Variants in TPPP observed in about 807,000 individuals in gnomAD.
TPPP encodes tubulin polymerization promoting protein.
A neutral mutation model predicts 15.5 loss-of-function variants in TPPP; 6 were observed. The ratio of observed to expected loss-of-function variants is 0.39; its 90% CI spans 0.21 to 0.77. The LOEUF is 0.77. TPPP is among the 30% of genes least tolerant of loss of function. The pLI is 0.42. For missense variants in TPPP, 269 were observed against 307.2 expected (o/e 0.88, Z 0.93); for synonymous variants, 146 against 133.9 (o/e 1.09, Z -0.63).
At chr5:693,574 C>G (rs1312290921), upstream of TPPP, among the ~76,000 whole-genome samples, 1 of 151,678 alleles carries the variant, frequency 6.6e-6, no homozygotes, top group Non-Finnish European at 1.5e-5. Context: ...CCCCGCGGAC[C>G]GCCGGGTATC....
upstream of TPPP, among the ~76,000 whole-genome samples, chr5:694,504 G>A (rs1296516842): frequency 8.0e-6 from 1 of 124,396 alleles, no homozygotes; most frequent in African/African-American, 2.6e-5. Context: ...GTGCTGGGCA[G>A]GGGGTGCTGA....
At chr5:684,858 G>A (rs1282133131) in intron 1 of TPPP, among the ~76,000 whole-genome samples, 2 of 152,200 alleles carry the variant, frequency 1.3e-5, no homozygotes, top group Admixed American at 1.3e-4. Context: ...CTCCCAATCA[G>A]AACAAAGCCG....
rs1455437048 is a variant in TPPP, at chr5:663,098, T to G, written c.*2004A>C. ...TGACTGCTTGTCTGTGATTGGGCGATTCCGGTGGCCGCTCGTCTGTGATCG... is the reference window on the plus strand; with the variant it reads ...TGACTGCTTGTCTGTGATTGGGCGAGTCCGGTGGCCGCTCGTCTGTGATCG... On this transcript the variant is annotated 3_prime_UTR_variant, in exon 4 of 4. Coordinates refer to ENST00000360578, the MANE Select transcript of TPPP (RefSeq NM_007030.3). 42 of 150,008 alleles carry G rather than the reference T, an allele frequency of 2.8e-4. No homozygotes were observed. Among genetic ancestry groups the G allele is most frequent in the Admixed American group, 7.3e-4 (11 of 15,062 alleles). 9.3% of individuals were successfully genotyped at this position (150,008 alleles called of 1,614,324 possible). A position where few individuals can be genotyped will look rare whatever the true frequency, so the allele number is the denominator to read the frequency against.
Position 666,039 on chromosome 5 carries a change from G to T in TPPP, c.396C>A (p.Ser132Arg), listed in dbSNP as rs761937617. 1.9e-6 allele frequency: 3 copies of T among 1,611,272 alleles called. No individual in the cohort carries two copies. In the African/African-American group the frequency reaches 4.0e-5, roughly 22 times the overall value. Residue 132 changes from serine (S) to arginine (R), a missense_variant, in exon 3 of 4, where the codon AGC becomes AGA. Transcript: ENST00000360578. ...GCACCTCGCGAACGGCCTCCTCGCT[G>T]CTCTTGTCTTTGAATCGCTTCTTGG... Reference protein sequence around the residue: ...ELAKKRFKDKSSEEAVREVHR... With the variant: ...ELAKKRFKDKRSEEAVREVHR...
At chr5:698,952 T>G in the TPPP span, among the ~76,000 whole-genome samples, 7 of 152,112 alleles carry the variant, frequency 4.6e-5, no homozygotes, top group African/African-American at 1.7e-4. Flanking sequence ...GATATATATT[T>G]AACCAAGGAA....
chr5:664,826 G>A lies in TPPP; in HGVS notation c.*276C>T, dbSNP rs1002994767. Reference sequence around the variant, plus strand: ...ACCTGCAAACCACGTGCCCAGTGTGGTGTGATCCGCGAGACACTTTGGAAA... The same window carrying A: ...ACCTGCAAACCACGTGCCCAGTGTGATGTGATCCGCGAGACACTTTGGAAA... On this transcript the variant is annotated 3_prime_UTR_variant, in exon 4 of 4. Coordinates refer to ENST00000360578, the MANE Select transcript of TPPP (RefSeq NM_007030.3). 13 of 468,302 alleles carry A rather than the reference G, an allele frequency of 2.8e-5. No homozygotes were observed. Among genetic ancestry groups the A allele is most frequent in the Middle Eastern group, 5.7e-4 (1 of 1,756 alleles). 29.0% of individuals were successfully genotyped at this position (468,302 alleles called of 1,614,324 possible).
intron 1 of TPPP, among the ~76,000 whole-genome samples, chr5:683,241 G>A (rs373078): frequency 0.48 from 72,671 of 151,992 alleles, 18,310 homozygotes; most frequent in East Asian, 0.57. Flanking sequence ...CCTCGCACCC[G>A]ATGGCCTCAT....
chr5:669,670 G>A (rs1740128182), intron 2 of TPPP, among the ~76,000 whole-genome samples: 1 of 152,110 alleles, frequency 6.6e-6, no homozygotes, highest in African/African-American at 2.4e-5. Flanking sequence ...GAGGGGGATG[G>A]CTGAGGGGCT....
chr5:668,733 T>C (rs189759480), intron 2 of TPPP, among the ~76,000 whole-genome samples: 43 of 152,254 alleles, frequency 2.8e-4, no homozygotes, highest in African/African-American at 9.4e-4. Flanking sequence ...TAAACGCAAA[T>C]GTTTACCACT....
At chr5:677,704 AC>A (rs1466580847) in intron 2 of TPPP, 45 bp downstream of exon 2, 9 of 1,497,710 alleles carry the variant, frequency 6.0e-6, no homozygotes, top group Non-Finnish European at 8.0e-6. Flanking sequence ...AGGGCCGCAG[AC>A]CCCCGTAAGT....
rs1195568501 is a variant in TPPP at position 662,339 on chromosome 5, G to C, written c.*2763C>G. 2 of 152,524 alleles carry C rather than the reference G, an allele frequency of 1.3e-5. No individual in the cohort carries two copies. Among genetic ancestry groups the C allele is most frequent in the Non-Finnish European group, 1.5e-5 (1 of 68,162 alleles). The allele number at this position is 152,524 out of a possible 1,614,324, so 9.4% of individuals were successfully genotyped here. A position where few individuals can be genotyped will look rare whatever the true frequency, so the allele number is the denominator to read the frequency against. On this transcript the variant is annotated 3_prime_UTR_variant, in exon 4 of 4. Coordinates refer to ENST00000360578, the MANE Select transcript of TPPP (RefSeq NM_007030.3). ...CAGGGCCGGTTTCTGGTGTGCTCCC[G>C]ATGCGCTTGGCTCTTTTCTCGAGGC...
rs1424564357 is a variant in TPPP at position 692,834 on chromosome 5, C to T, written c.-5+444G>A. On this transcript the variant is annotated intron_variant, in intron 1 of 3. Transcript: ENST00000360578. ...ACCTGCTGCGGGCAGTGACTTCATT[C>T]CAGCCCTCCACGCCCTAATTTCCCA... The T allele has an allele frequency of 2.1e-4, 196 of 946,282 alleles. 10 individuals are homozygous for T. Among genetic ancestry groups the T allele is most frequent in the Middle Eastern group, 5.3e-4 (1 of 1,874 alleles). The allele number at this position is 946,282 out of a possible 1,614,324, so 58.6% of individuals were successfully genotyped here.
intron 2 of TPPP, among the ~76,000 whole-genome samples, chr5:677,056 C>T (rs1437421404): frequency 1.3e-5 from 2 of 151,486 alleles, no homozygotes; most frequent in Admixed American, 1.3e-4. Flanking sequence ...CACACACGTG[C>T]ACACAGAAAC....
chr5:696,912 CTG>C (rs1159297488), upstream of TPPP, among the ~76,000 whole-genome samples: 13 of 150,090 alleles, frequency 8.7e-5, no homozygotes, highest in South Asian at 2.2e-4. Flanking sequence ...CTGCGTGTGC[CTG>C]TGTCTCTGTG....
intron 1 of TPPP, among the ~76,000 whole-genome samples, chr5:681,327 G>A (rs556584203): frequency 3.9e-5 from 6 of 152,272 alleles, no homozygotes; most frequent in African/African-American, 1.4e-4. Flanking sequence ...GGGGTCAAAG[G>A]ACAAGCTCCC....
At chr5:694,055 G>GGAA (rs1479595790), upstream of TPPP, among the ~76,000 whole-genome samples, 1 of 91,034 alleles carries the variant, frequency 1.1e-5, no homozygotes, top group East Asian at 2.7e-4. Context: ...CCCTGACCCC[G>GGAA]GCCTCAGCTT....
chr5:700,285 T>C, the TPPP span, among the ~76,000 whole-genome samples: 1 of 152,012 alleles, frequency 6.6e-6, no homozygotes, highest in African/African-American at 2.4e-5. Context: ...AAATCATATC[T>C]TTTGAGCAAC....
rs1206618457 is a variant in TPPP at position 664,795 on chromosome 5, C to T, written c.*307G>A. 5.9e-6 allele frequency: 2 copies of T among 338,326 alleles called. No individual in the cohort carries two copies. The highest frequency in any genetic ancestry group is 4.6e-5 in the South Asian group (1 of 21,896). 21.0% of individuals were successfully genotyped at this position (338,326 alleles called of 1,614,324 possible). On this transcript the variant is annotated 3_prime_UTR_variant, in exon 4 of 4. Transcript: ENST00000360578. ...TGACAGCCAGCTGCTTTAAAACGCC[C>T]CTTTGACCTGCAAACCACGTGCCCA...
At chr5:686,122 GC>G (rs1313639204) in intron 1 of TPPP, among the ~76,000 whole-genome samples, 3 of 152,156 alleles carry the variant, frequency 2.0e-5, no homozygotes, top group Non-Finnish European at 4.4e-5. Flanking sequence ...CACCACCTGG[GC>G]CAACACCATT....
Sources: allele counts gnomAD v4.1 joint callset (sites outside exome capture counted in the v4.1 genomes callset), GRCh38; gene constraint gnomAD v4.1.1; transcripts MANE v1.5; gene names NCBI Gene and HGNC (gene_info 2026-07-23, HGNC 2026-07-21).